Variants in MAST1 observed in about 807,000 individuals in gnomAD.
MAST1 encodes the protein microtubule associated serine/threonine kinase 1.
A neutral mutation model predicts 124.6 loss-of-function variants in MAST1; 40 were observed. The observed-to-expected ratio is 0.32, with a 90% CI of 0.25 to 0.42. The LOEUF is 0.42. MAST1 is among the 10% of genes least tolerant of loss of function. The probability of loss-of-function intolerance (pLI) is 1.00; values close to 1 mark genes in which losing one functional copy is unlikely to be tolerated. For synonymous variants in MAST1, 938 were observed against 939.4 expected, an observed-to-expected ratio of 1.00 and a Z score of 0.03; for missense variants, 1,558 against 2,181.9, an observed-to-expected ratio of 0.71 and a Z score of 5.70.
At chr19:12,857,887 G>A (rs1970034765) in intron 10 of MAST1, among the ~76,000 whole-genome samples, 1 of 151,832 alleles carries the variant, frequency 6.6e-6, no homozygotes, top group South Asian at 2.1e-4. Flanking sequence ...ATGGTGGCAT[G>A]TGCCTGTGGT....
intron 12 of MAST1, 93 bp from the exon 13 acceptor site, chr19:12,864,716 G>A (rs1970128629): frequency 2.6e-6 from 4 of 1,518,802 alleles, no homozygotes; most frequent in Admixed American, 1.7e-5. Context: ...TCTATAAAAC[G>A]GGTACAACAT....
In MAST1 at chr19:12,874,300, C is replaced by T; in HGVS notation, c.4143C>T (p.Thr1381=). Residue 1381 remains threonine (T), a synonymous_variant, in exon 26 of 26, where the codon ACC becomes ACT. Coordinates refer to ENST00000251472, the MANE Select transcript of MAST1 (RefSeq NM_014975.3). The surrounding 1 kb of genome is among the most constrained non-coding windows in gnomAD (Gnocchi z 6.6). ...GCGCGACGACCCCCGGTGGCCGGAC[C>T]CTGGAGCGGGACGTCGGCTGCACGC... ...PPRATTPGGR[T]LERDVGCTRH... is the part of the protein sequence containing the mutation. 1 of 1,593,978 alleles carries T rather than the reference C, an allele frequency of 6.3e-7. No individual in the cohort carries two copies.
chr19:12,853,016 G>GC (rs2145896156), intron 10 of MAST1, among the ~76,000 whole-genome samples: 2 of 150,418 alleles, frequency 1.3e-5, no homozygotes, highest in East Asian at 4.0e-4. Context: ...TGTTGCCCAG[G>GC]CTGGAGTGCA....
Position 12,847,298 on chromosome 19 carries a change from C to T in MAST1, c.336C>T (p.Cys112=), listed in dbSNP as rs754177375. 1 of 1,612,882 alleles carries T rather than the reference C, an allele frequency of 6.2e-7. No individual in the cohort carries two copies. Among genetic ancestry groups the T allele is most frequent in the Non-Finnish European group, 8.5e-7 (1 of 1,179,412 alleles). Residue 112 remains cysteine (C), a synonymous_variant, in exon 5 of 26, where the codon TGC becomes TGT. Transcript: ENST00000251472. This position sits in a 1 kb window ranked among gnomAD's most constrained non-coding sequence, Gnocchi z 5.5. The part of the protein sequence containing the change: ...NTPSSTVSSS[C]SSQERLHQLP... ...CCTGCCCCTGTCCCCAGTCCTCCTGCTCCTCCCAGGAGCGCCTTCACCAGC... is the reference window on the plus strand; with the variant it reads ...CCTGCCCCTGTCCCCAGTCCTCCTGTTCCTCCCAGGAGCGCCTTCACCAGC...
At chr19:12,848,622 G>T (rs1321611249) in intron 7 of MAST1, 1 of 151,498 alleles carries the variant, frequency 6.6e-6, no homozygotes, top group Non-Finnish European at 1.5e-5. Flanking sequence ...GCGAGACTCC[G>T]TCTCAAAAAA....
intron 24 of MAST1, among the ~76,000 whole-genome samples, chr19:12,872,154 A>G (rs1052664089): frequency 1.3e-5 from 2 of 152,206 alleles, no homozygotes; most frequent in Admixed American, 1.3e-4. Context: ...AGAAATGTCT[A>G]TCTGGAATGA....
intron 18 of MAST1, 139 bp from the exon 19 acceptor site, chr19:12,867,335 G>T: frequency 1.1e-6 from 1 of 910,128 alleles, no homozygotes; most frequent in Non-Finnish European, 1.7e-6. Context: ...ATTGTAGGTT[G>T]GGGGATCATG....
In MAST1 at chr19:12,869,921, G is replaced by A. The variant is rs572362251; in HGVS notation, c.3003+626G>A. ...TACAAAAATTGGGCCGAGCGCGGTG[G>A]CTGTAATCCCGGCACTTTGGGAGGC... is the stretch of plus-strand genomic sequence containing the variant. On this transcript the variant is annotated intron_variant, in intron 22 of 25. Coordinates refer to ENST00000251472, the MANE Select transcript of MAST1 (RefSeq NM_014975.3). Among the ~76,000 whole-genome samples the A allele has an allele frequency of 2.0e-5, 3 of 151,594 alleles. No individual in the cohort carries two copies. The East Asian group carries it at 5.9e-4, about 30-fold the overall frequency.
intron 7 of MAST1, among the ~76,000 whole-genome samples, chr19:12,850,600 A>G (rs986468674): frequency 6.6e-6 from 1 of 152,266 alleles, no homozygotes; most frequent in Non-Finnish European, 1.5e-5. Flanking sequence ...TACTATTTTC[A>G]TTGAAACCAT....
chr19:12,858,333 G>A (rs748751674), intron 10 of MAST1, 29 bp from the exon 11 acceptor site: 2 of 1,588,528 alleles, frequency 1.3e-6, no homozygotes, highest in Admixed American at 3.4e-5. Context: ...GATGATGATG[G>A]TGGTGTGGTC....
rs372017715 is a variant in MAST1, at chr19:12,870,943, T to G, written c.3123T>G (p.Leu1041=). Residue 1041 remains leucine, a synonymous_variant, in exon 23 of 26, where the codon CTT becomes CTG. Transcript: ENST00000251472. ...MVHPEVVELI[L]KSGNKVAVTT... is the part of the protein sequence containing the mutation. Reference sequence around the variant, plus strand: ...ATCCTGAGGTCGTGGAGCTGATCCTTAAGGTGAGTGCAGGGAAGGAGGCAC... The same window carrying G: ...ATCCTGAGGTCGTGGAGCTGATCCTGAAGGTGAGTGCAGGGAAGGAGGCAC... 1.4e-5 allele frequency: 22 copies of G among 1,613,628 alleles called. No homozygotes were observed. The highest frequency in any genetic ancestry group is 1.8e-5 in the Non-Finnish European group (21 of 1,179,888).
rs568326223 is a variant in MAST1, at chr19:12,866,485, A to G, written c.2030-168A>G. Among the ~76,000 whole-genome samples, 5 of 152,236 alleles carry G rather than the reference A, an allele frequency of 3.3e-5. No homozygotes were observed. The highest frequency in any genetic ancestry group is 2.9e-5 in the Non-Finnish European group (2 of 67,996). On this transcript the variant is annotated intron_variant, in intron 17 of 25. Coordinates refer to ENST00000251472, the MANE Select transcript of MAST1 (RefSeq NM_014975.3). This position sits in a 1 kb window ranked among gnomAD's most constrained non-coding sequence, Gnocchi z 5.2. ...TAGACGGTGCCACTGAGAATGGGGC[A>G]AGGACCTTGCCTGGGAGCGGAGCCT...
Position 12,840,995 on chromosome 19 carries a change from C to A in MAST1, c.177C>A (p.Ser59Arg). 7.9e-7 allele frequency: 1 copy of A among 1,273,144 alleles called. No individual in the cohort carries two copies. The highest frequency in any genetic ancestry group is 1.5e-5 in the African/African-American group (1 of 68,838). The allele number at this position is 1,273,144 out of a possible 1,614,324, so 78.9% of individuals were successfully genotyped here. ...TGCCCCCTCTTTCTCTCATAGGCAG[C>A]AGTCCCCTGGACAGCCCCCGAAACT... ...PHSPLPGHLG[S>R]SPLDSPRNFS... Residue 59 changes from serine (S) to arginine (R), a missense_variant, in exon 3 of 26, where the codon AGC (serine) becomes AGA (arginine). Physicochemically the swap from Ser to Arg is moderately radical, Grantham distance 110 (BLOSUM62 -1). Transcript: ENST00000251472.
chr19:12,848,085 C>T lies in MAST1; in HGVS notation c.774+28C>T, dbSNP rs1233682931. ...GAGTGCACGCGGAGGCCGGGCTGAT[C>T]TCAGGCTCAGCACCGCCAGATTGTG... On this transcript the variant is annotated intron_variant, in intron 7 of 25. Coordinates refer to ENST00000251472, the MANE Select transcript of MAST1 (RefSeq NM_014975.3). 2.5e-6 allele frequency: 4 copies of T among 1,599,264 alleles called. No homozygotes were observed. In the East Asian group the frequency reaches 6.7e-5, roughly 27 times the overall value.
chr19:12,857,187 G>T (rs948382168), intron 10 of MAST1, among the ~76,000 whole-genome samples: 1 of 151,706 alleles, frequency 6.6e-6, no homozygotes, highest in Admixed American at 6.6e-5. Context: ...GGGTTCAAGC[G>T]ATTCTCCTGC....
chr19:12,867,607 G>T lies in MAST1; in HGVS notation c.2273G>T (p.Gly758Val). 1 of 1,611,958 alleles carries T rather than the reference G, an allele frequency of 6.2e-7. No homozygotes were observed. Among genetic ancestry groups the T allele is most frequent in the South Asian group, 1.1e-5 (1 of 90,908 alleles). Reference sequence around the variant, plus strand: ...GCCGGCAAGCGGGAGGGGCTGGGCGGCCTGACCCTGCGTGAGAAGACCTGG... The same window carrying T: ...GCCGGCAAGCGGGAGGGGCTGGGCGTCCTGACCCTGCGTGAGAAGACCTGG... Reference protein sequence around the residue: ...KVAGKREGLGGLTLREKTWRG... With the variant: ...KVAGKREGLGVLTLREKTWRG... Residue 758 changes from glycine (G) to valine (V), a missense_variant, in exon 19 of 26, where the codon GGC becomes GTC. Coordinates refer to ENST00000251472, the MANE Select transcript of MAST1 (RefSeq NM_014975.3).
chr19:12,861,430 A>T (rs1342159230), intron 12 of MAST1, among the ~76,000 whole-genome samples: 1 of 152,122 alleles, frequency 6.6e-6, no homozygotes, highest in East Asian at 1.9e-4. Context: ...GCAGGCAGGG[A>T]GCTTCTCAGA....
At chr19:12,872,123 G>C (rs915456075) in intron 24 of MAST1, among the ~76,000 whole-genome samples, 3 of 152,164 alleles carry the variant, frequency 2.0e-5, no homozygotes, top group Non-Finnish European at 2.9e-5. Flanking sequence ...TGTTTAGACA[G>C]AACTGGGAAA....
At chr19:12,870,726 C>T in intron 22 of MAST1, 98 bp from the exon 23 acceptor site, 1 of 1,253,938 alleles carries the variant, frequency 8.0e-7, no homozygotes, top group South Asian at 1.7e-5. Context: ...TATGAGGATT[C>T]TAATGCATGC....
Sources: gnomAD v4.1 joint callset for allele counts (sites outside exome capture counted in the v4.1 genomes callset) on GRCh38, gnomAD v4.1.1 for gene constraint, Gnocchi (gnomAD v3.1) non-coding constraint, MANE v1.5 for transcripts, NCBI Gene and HGNC (gene_info 2026-07-23, HGNC 2026-07-21) for gene names.